ZSCAN5A: variants seen among roughly 807,000 people sequenced by gnomAD.
ZSCAN5A encodes the protein zinc finger and SCAN domain-containing protein 5A.
Under a neutral mutation model 23.7 loss-of-function variants are expected in ZSCAN5A, and 12 were observed. That is an observed-to-expected ratio of 0.51 (90% CI 0.32 to 0.82). The LOEUF is 0.82. ZSCAN5A is among the 40% of genes least tolerant of loss of function. ZSCAN5A has a pLI of 0.03. For synonymous variants in ZSCAN5A, 257 were observed against 239.9 expected (o/e 1.07, Z -0.66); for missense variants, 597 against 617.9 (o/e 0.97, Z 0.36).
intron 2 of ZSCAN5A, among the ~76,000 whole-genome samples, chr19:56,309,300 G>A (rs34833657): frequency 0.097 from 14,830 of 152,144 alleles, 788 homozygotes; most frequent in Middle Eastern, 0.13. Context: ...GCTGAGGGGA[G>A]GAAGGAACAA....
chr19:56,264,519 T>A (rs139217226), intron 2 of ZSCAN5A, among the ~76,000 whole-genome samples: 4 of 152,022 alleles, frequency 2.6e-5, no homozygotes, highest in African/African-American at 9.6e-5. Flanking sequence ...AGTCAAAGTT[T>A]CATTTAGTAG....
At chr19:56,326,563 A>G (rs140554622) in intron 2 of ZSCAN5A, among the ~76,000 whole-genome samples, 26 of 152,168 alleles carry the variant, frequency 1.7e-4, no homozygotes, top group African/African-American at 5.5e-4. Flanking sequence ...CCACATATAA[A>G]TGGGAATCAC....
intron 2 of ZSCAN5A, among the ~76,000 whole-genome samples, chr19:56,300,199 C>T (rs759018762): frequency 3.9e-5 from 6 of 152,026 alleles, no homozygotes; most frequent in Non-Finnish European, 8.8e-5. Context: ...TAAACCAGAA[C>T]ATGATATGCG....
chr19:56,301,029 G>A (rs904302252), intron 2 of ZSCAN5A, among the ~76,000 whole-genome samples: 3 of 152,154 alleles, frequency 2.0e-5, no homozygotes, highest in African/African-American at 7.2e-5. Flanking sequence ...AGCAGAGCCT[G>A]AAGCCTGGGG....
intron 2 of ZSCAN5A, among the ~76,000 whole-genome samples, chr19:56,273,268 C>T (rs779844155): frequency 5.3e-5 from 8 of 152,204 alleles, no homozygotes; most frequent in Non-Finnish European, 5.9e-5. Context: ...TTACGTTGTG[C>T]AGTGCCTGGA....
At chr19:56,302,192 G>A (rs1266498927) in intron 2 of ZSCAN5A, 5 of 888,930 alleles carry the variant, frequency 5.6e-6, no homozygotes, top group African/African-American at 5.2e-5. Flanking sequence ...GTGCCTCAGA[G>A]GTGCCAAGCA....
chr19:56,278,966 T>C (rs761751492), intron 2 of ZSCAN5A, among the ~76,000 whole-genome samples: 6 of 152,176 alleles, frequency 3.9e-5, no homozygotes, highest in Non-Finnish European at 8.8e-5. Context: ...CTTCCCTACC[T>C]AGTCTTCCAA....
intron 2 of ZSCAN5A, among the ~76,000 whole-genome samples, chr19:56,226,010 A>G (rs532533908): frequency 6.6e-6 from 1 of 152,144 alleles, no homozygotes; most frequent in South Asian, 2.1e-4. Flanking sequence ...TTAAAAATTA[A>G]TTCCTAAACC....
chr19:56,221,475 T>G lies in ZSCAN5A; in HGVS notation c.*100A>C. On this transcript the variant is annotated 3_prime_UTR_variant, in exon 6 of 6. Coordinates refer to ENST00000683990, the MANE Select transcript of ZSCAN5A (RefSeq NM_001322064.3). ...TCATATCTAGGGCACTCCCTCTGTG[T>G]GTCAGACGCCCTTGCATGTGTCAAA... is the stretch of plus-strand genomic sequence containing the variant. 1 of 1,432,904 alleles carries G rather than the reference T, an allele frequency of 7.0e-7. No homozygotes were observed. The highest frequency in any genetic ancestry group is 2.3e-5 in the East Asian group (1 of 43,638). The allele number at this position is 1,432,904 out of a possible 1,614,324, so 88.8% of individuals were successfully genotyped here.
intron 2 of ZSCAN5A, among the ~76,000 whole-genome samples, chr19:56,236,522 C>T (rs2034928358): frequency 2.7e-5 from 1 of 37,552 alleles, no homozygotes; most frequent in Non-Finnish European, 5.7e-5. Context: ...TCCACTCCAG[C>T]CTCTGATGGA....
At chr19:56,282,620 T>C (rs528152094) in intron 2 of ZSCAN5A, 7 of 456,262 alleles carry the variant, frequency 1.5e-5, no homozygotes, top group Non-Finnish European at 2.0e-5. Context: ...TAGCTTCTAA[T>C]AGCGGAACTA....
At chr19:56,335,641 T>G (rs1176431650) in intron 2 of ZSCAN5A, among the ~76,000 whole-genome samples, 1 of 152,228 alleles carries the variant, frequency 6.6e-6, no homozygotes, top group Non-Finnish European at 1.5e-5. Context: ...TGTTAGCTGG[T>G]TATTTTGCTC....
chr19:56,318,979 G>A (rs1600278369), upstream of ZSCAN5A, among the ~76,000 whole-genome samples: 1 of 152,144 alleles, frequency 6.6e-6, no homozygotes, highest in South Asian at 2.1e-4. Context: ...ACAGATGGGG[G>A]TTCCTTCACC....
At chr19:56,289,192 G>T (rs1263098669) in intron 2 of ZSCAN5A, among the ~76,000 whole-genome samples, 1 of 152,134 alleles carries the variant, frequency 6.6e-6, no homozygotes, top group Non-Finnish European at 1.5e-5. Context: ...GGATGCTAAG[G>T]GTCTGAGAGC....
At chr19:56,247,826 G>C (rs962717653) in intron 2 of ZSCAN5A, among the ~76,000 whole-genome samples, 1 of 152,162 alleles carries the variant, frequency 6.6e-6, no homozygotes, top group East Asian at 1.9e-4. Context: ...CGAGTAGCTG[G>C]GACTACAGGC....
intron 2 of ZSCAN5A, chr19:56,347,456 G>A (rs993622645): frequency 6.6e-6 from 1 of 152,158 alleles, no homozygotes; most frequent in African/African-American, 2.4e-5. Flanking sequence ...GATGTGCTGG[G>A]AGTCAGCTTG....
intron 2 of ZSCAN5A, among the ~76,000 whole-genome samples, chr19:56,344,699 C>T (rs1478690711): frequency 4.0e-5 from 6 of 149,818 alleles, no homozygotes; most frequent in Admixed American, 1.3e-4. Flanking sequence ...GTCAGGAGAT[C>T]GAGACCATCC....
intron 2 of ZSCAN5A, chr19:56,342,584 C>A (rs1031852096): frequency 5.1e-6 from 2 of 390,134 alleles, no homozygotes; most frequent in Non-Finnish European, 1.0e-5. Flanking sequence ...TCTTGTCAAG[C>A]AGAAGCTGAC....
intron 1 of ZSCAN5A, among the ~76,000 whole-genome samples, chr19:56,364,702 A>C (rs1368909130): frequency 6.6e-6 from 1 of 152,260 alleles, no homozygotes; most frequent in Non-Finnish European, 1.5e-5. Context: ...GAGTGAATGC[A>C]TAAACTAACT....
Sources: gnomAD v4.1 joint callset for allele counts (sites outside exome capture counted in the v4.1 genomes callset) on GRCh38, gnomAD v4.1.1 for gene constraint, MANE v1.5 for transcripts, NCBI Gene and HGNC (gene_info 2026-07-23, HGNC 2026-07-21) for gene names.